CIMIP5: variants seen among roughly 807,000 people sequenced by gnomAD.
CIMIP5 encodes uncharacterized protein C2orf50.
chr2:11,146,686 G>A, the CIMIP5 span: 1 of 152,230 alleles, frequency 6.6e-6, no homozygotes, highest in Non-Finnish European at 1.5e-5. Flanking sequence ...TGGATCTGGA[G>A]GCCACCGCCT....
the CIMIP5 span, among the ~76,000 whole-genome samples, chr2:11,140,324 A>G: frequency 0.015 from 2,197 of 150,146 alleles, 48 homozygotes; most frequent in African/African-American, 0.052. Context: ...GCAGGGAGCC[A>G]AGATTGCGCC....
At chr2:11,138,083 ATCTGCCTGCC>A in the CIMIP5 span, among the ~76,000 whole-genome samples, 1 of 152,178 alleles carries the variant, frequency 6.6e-6, no homozygotes, top group African/African-American at 2.4e-5. Flanking sequence ...TGACCTCGTG[ATCTGCCTGCC>A]TCGGCCTCCC....
chr2:11,152,759 T>C, the CIMIP5 span, among the ~76,000 whole-genome samples: 5 of 152,042 alleles, frequency 3.3e-5, no homozygotes, highest in African/African-American at 9.7e-5. Context: ...GCAGATCAGC[T>C]GTTTTGAGGC....
the CIMIP5 span, among the ~76,000 whole-genome samples, chr2:11,135,410 C>T: frequency 1.3e-5 from 2 of 152,022 alleles, no homozygotes; most frequent in Admixed American, 1.3e-4. Context: ...ATAGGTGTGA[C>T]GTGGTATCTC....
chr2:11,138,223 G>C, the CIMIP5 span, among the ~76,000 whole-genome samples: 1 of 152,160 alleles, frequency 6.6e-6, no homozygotes, highest in South Asian at 2.1e-4. Context: ...TTTCAGTTTT[G>C]TTGGAGCATG....
the CIMIP5 span, among the ~76,000 whole-genome samples, chr2:11,141,330 T>C: frequency 6.6e-6 from 1 of 152,070 alleles, no homozygotes; most frequent in Non-Finnish European, 1.5e-5. Flanking sequence ...GGTTTCACTA[T>C]GTTAGCCAGG....
the CIMIP5 span, among the ~76,000 whole-genome samples, chr2:11,150,873 T>TA: frequency 0.012 from 1,650 of 142,994 alleles, 16 homozygotes; most frequent in Middle Eastern, 0.021. Context: ...TGCCAAGAAT[T>TA]AAAAAAAAAA....
chr2:11,136,198 T>A, the CIMIP5 span, among the ~76,000 whole-genome samples: 1 of 152,236 alleles, frequency 6.6e-6, no homozygotes, highest in African/African-American at 2.4e-5. Context: ...CATGGAATAA[T>A]TGCCAAGACC....
the CIMIP5 span, among the ~76,000 whole-genome samples, chr2:11,151,062 C>CA: frequency 5.9e-5 from 9 of 152,098 alleles, no homozygotes; most frequent in African/African-American, 2.2e-4. Flanking sequence ...TTCACTGAGC[C>CA]AGACTAGATT....
At chr2:11,147,913 C>T in the CIMIP5 span, among the ~76,000 whole-genome samples, 1 of 152,090 alleles carries the variant, frequency 6.6e-6, no homozygotes, top group African/African-American at 2.4e-5. Context: ...TCGTTTGGGC[C>T]AGAACAAGGG....
chr2:11,149,247 C>T, the CIMIP5 span, among the ~76,000 whole-genome samples: 1 of 151,568 alleles, frequency 6.6e-6, no homozygotes, highest in Non-Finnish European at 1.5e-5. Flanking sequence ...GGACAGCTGA[C>T]ACCGTGCTCC....
At chr2:11,141,315 G>C in the CIMIP5 span, among the ~76,000 whole-genome samples, 1 of 151,966 alleles carries the variant, frequency 6.6e-6, no homozygotes, top group Non-Finnish European at 1.5e-5. Flanking sequence ...TTTTAGTAGA[G>C]AGGGGGTTTC....
At chr2:11,154,120 GCACGCGCCAC>G in the CIMIP5 span, among the ~76,000 whole-genome samples, 1 of 152,034 alleles carries the variant, frequency 6.6e-6, no homozygotes, top group Non-Finnish European at 1.5e-5. Context: ...GGGACCACAG[GCACGCGCCAC>G]CACGCTCGGC....
chr2:11,137,693 CAAG>C, the CIMIP5 span, among the ~76,000 whole-genome samples: 1 of 152,080 alleles, frequency 6.6e-6, no homozygotes, highest in Non-Finnish European at 1.5e-5. Context: ...GGTGCATTAA[CAAG>C]AAAGTGAGAC....
chr2:11,141,121 CTTTTTTTTT>C, the CIMIP5 span, among the ~76,000 whole-genome samples: 1 of 60,442 alleles, frequency 1.7e-5, no homozygotes, highest in Non-Finnish European at 2.8e-5. Context: ...CCACAACACA[CTTTTTTTTT>C]TTTTTTTTTT....
the CIMIP5 span, among the ~76,000 whole-genome samples, chr2:11,133,983 G>C: frequency 3.3e-5 from 5 of 152,062 alleles, no homozygotes; most frequent in African/African-American, 9.7e-5. Context: ...GCTCTGAAAC[G>C]AGACCAGACT....
At chr2:11,143,722 A>G in the CIMIP5 span, among the ~76,000 whole-genome samples, 306 of 152,228 alleles carry the variant, frequency 2.0e-3, 2 homozygotes, top group African/African-American at 4.9e-3. Flanking sequence ...GGGAAGGGGA[A>G]GTGGAGGAAG....
At chr2:11,149,839 C>T in the CIMIP5 span, among the ~76,000 whole-genome samples, 2,073 of 152,310 alleles carry the variant, frequency 0.014, 31 homozygotes, top group African/African-American at 0.048. Flanking sequence ...AAAAGCAGCT[C>T]TAAAGGACAC....
At chr2:11,136,650 T>C in the CIMIP5 span, among the ~76,000 whole-genome samples, 2 of 152,170 alleles carry the variant, frequency 1.3e-5, no homozygotes, top group Non-Finnish European at 2.9e-5. Flanking sequence ...ACAGGTGTTT[T>C]GGGGGTGATG....
Sources: gnomAD v4.1 joint callset for allele counts (sites outside exome capture counted in the v4.1 genomes callset) on GRCh38, gnomAD v4.1.1 for gene constraint, MANE v1.5 for transcripts, NCBI Gene and HGNC (gene_info 2026-07-23, HGNC 2026-07-21) for gene names.